RFX3: variants seen among roughly 807,000 people sequenced by gnomAD.
The protein encoded by RFX3 is transcription factor RFX3.
Under a neutral mutation model 98.6 loss-of-function variants are expected in RFX3, and 14 were observed. The observed-to-expected ratio is 0.14, with a 90% confidence interval of 0.09 to 0.22. RFX3 has a LOEUF of 0.22. Among genes scored for constraint, RFX3 ranks in the 10% least tolerant of loss-of-function variants. The pLI, the probability that RFX3 is intolerant of heterozygous loss-of-function variation, is 1.00. For synonymous variants in RFX3, 383 were observed against 328.4 expected, an observed-to-expected ratio of 1.17 and a Z score of -1.80; for missense variants, 639 against 926.9, an observed-to-expected ratio of 0.69 and a Z score of 4.03.
chr9:3,519,311 T>C (rs556743950), intron 1 of RFX3, among the ~76,000 whole-genome samples: 10 of 152,216 alleles, frequency 6.6e-5, no homozygotes, highest in Non-Finnish European at 1.3e-4. Context: ...AGCCTGTGAT[T>C]GGCAGCTTGT....
intron 1 of RFX3, among the ~76,000 whole-genome samples, chr9:3,435,619 A>C (rs1422566093): frequency 6.6e-6 from 1 of 151,864 alleles, no homozygotes; most frequent in Non-Finnish European, 1.5e-5. Context: ...TACAAATTCC[A>C]TTTACTCTGC....
At position 3,257,057 on chromosome 9, in the gene RFX3, G is replaced by C. The variant is rs907265673; in HGVS notation, c.1748C>G (p.Pro583Arg). The change falls in exon 14 of 17, where the codon CCC (proline) becomes CGC (arginine). Residue 583 changes from proline (P) to arginine (R), a missense_variant. By Grantham distance (103) the Pro-to-Arg change is moderately radical (BLOSUM62 -2). This residue lies in a region of RFX3 where 138 missense variants were observed against 308.9 expected (regional missense o/e 0.45). Coordinates refer to ENST00000617270, the MANE Select transcript of RFX3 (RefSeq NM_001282116.2). The part of the protein sequence containing the change: ...LDNVMMQALK[P>R]YEGRPSFPKA... ...AGGAAAACTGGGTCTTCCTTCATAG[G>C]GTTTCAGTGCTTGCATCATCACATT... 1.2e-6 allele frequency: 2 copies of C among 1,613,922 alleles called. No individual in the cohort carries two copies. The highest frequency in any genetic ancestry group is 1.1e-5 in the South Asian group (1 of 91,068).
Position 3,220,527 on chromosome 9 carries a change from C to T in RFX3, c.*4515G>A, listed in dbSNP as rs920109320. ...TTTTTTTCTGTAAACAGTACACTTA[C>T]TTAGATGGCAGTGAATATTTGGGAA... On this transcript the variant is annotated 3_prime_UTR_variant, in exon 17 of 17. Coordinates refer to ENST00000617270, the MANE Select transcript of RFX3 (RefSeq NM_001282116.2). 3 of 151,816 alleles carry T rather than the reference C, an allele frequency of 2.0e-5. No individual in the cohort carries two copies. The highest frequency in any genetic ancestry group is 1.3e-4 in the Admixed American group (2 of 15,228). 9.4% of individuals were successfully genotyped at this position (151,816 alleles called of 1,614,324 possible). A position where few individuals can be genotyped will look rare whatever the true frequency, so the allele number is the denominator to read the frequency against.
At chr9:3,378,345 G>A (rs1432575028) in intron 2 of RFX3, among the ~76,000 whole-genome samples, 4 of 152,004 alleles carry the variant, frequency 2.6e-5, no homozygotes, top group Non-Finnish European at 1.5e-5. Flanking sequence ...ATATTATGAA[G>A]TTAGTTTAAA....
At chr9:3,426,176 G>T (rs1844005502) in intron 1 of RFX3, among the ~76,000 whole-genome samples, 1 of 152,006 alleles carries the variant, frequency 6.6e-6, no homozygotes. Context: ...TCATTTAACT[G>T]AAAAATTCAG....
intron 14 of RFX3, 46 bp downstream of exon 14, chr9:3,256,945 T>C (rs758653982): frequency 2.0e-6 from 3 of 1,532,978 alleles, no homozygotes; most frequent in East Asian, 2.2e-5. Flanking sequence ...CACACACATA[T>C]TTGCAGAATA....
At chr9:3,405,531 T>C (rs1841876038) in intron 1 of RFX3, among the ~76,000 whole-genome samples, 1 of 152,182 alleles carries the variant, frequency 6.6e-6, no homozygotes, top group Admixed American at 6.5e-5. Flanking sequence ...TGCTGTTACA[T>C]GCCTTGGGGA....
intron 13 of RFX3, among the ~76,000 whole-genome samples, chr9:3,259,975 C>G (rs1437638831): frequency 6.6e-6 from 1 of 151,778 alleles, no homozygotes; most frequent in East Asian, 1.9e-4. Context: ...GGGACGACTT[C>G]CAAATGAACT....
At chr9:3,444,757 C>T (rs1320988609) in intron 1 of RFX3, among the ~76,000 whole-genome samples, 1 of 152,148 alleles carries the variant, frequency 6.6e-6, no homozygotes, top group East Asian at 1.9e-4. Context: ...AGGAGAGAAT[C>T]AGTACCCACA....
chr9:3,306,155 C>A (rs751423596), intron 4 of RFX3, among the ~76,000 whole-genome samples: 5 of 152,038 alleles, frequency 3.3e-5, no homozygotes, highest in African/African-American at 1.2e-4. Context: ...AAAGTAGGCT[C>A]ATTGATCCAA....
chr9:3,501,744 A>G (rs542310308), intron 1 of RFX3, among the ~76,000 whole-genome samples: 2 of 151,190 alleles, frequency 1.3e-5, no homozygotes, highest in Non-Finnish European at 3.0e-5. Context: ...TTTAGTAGAG[A>G]CAGGGCTTCA....
chr9:3,439,011 CAGAA>C (rs1845398219), intron 1 of RFX3, among the ~76,000 whole-genome samples: 2 of 151,764 alleles, frequency 1.3e-5, no homozygotes, highest in Admixed American at 6.6e-5. Context: ...AAAACAGTAA[CAGAA>C]AGGTCTCTAG....
At chr9:3,296,596 T>C (rs1828022693) in intron 5 of RFX3, among the ~76,000 whole-genome samples, 1 of 152,078 alleles carries the variant, frequency 6.6e-6, no homozygotes, top group African/African-American at 2.4e-5. Flanking sequence ...GTTTGAAAAA[T>C]GGTACAAGAA....
At chr9:3,375,577 G>T (rs759927249) in intron 2 of RFX3, among the ~76,000 whole-genome samples, 1 of 151,958 alleles carries the variant, frequency 6.6e-6, no homozygotes, top group South Asian at 2.1e-4. Context: ...CATTATTAAA[G>T]TTATTTTATT....
intron 1 of RFX3, among the ~76,000 whole-genome samples, chr9:3,458,901 T>C (rs941834274): frequency 6.6e-6 from 1 of 152,160 alleles, no homozygotes; most frequent in Admixed American, 6.5e-5. Context: ...AAAAGCAGCA[T>C]CTTCAAACTC....
chr9:3,388,086 G>A (rs552704754), intron 2 of RFX3, among the ~76,000 whole-genome samples: 16 of 151,814 alleles, frequency 1.1e-4, no homozygotes, highest in Non-Finnish European at 1.9e-4. Flanking sequence ...CTTTATCATC[G>A]GTATAATTCT....
At chr9:3,510,098 T>C (rs2133823098) in intron 1 of RFX3, among the ~76,000 whole-genome samples, 1 of 152,162 alleles carries the variant, frequency 6.6e-6, no homozygotes, top group Middle Eastern at 3.4e-3. Flanking sequence ...TTCACCTCTC[T>C]AATCTGCTGT....
intron 3 of RFX3, among the ~76,000 whole-genome samples, chr9:3,338,367 G>A (rs2920381): frequency 0.13 from 19,786 of 152,148 alleles, 1,341 homozygotes; most frequent in Middle Eastern, 0.19. Flanking sequence ...TTAAAAGTCA[G>A]TAATACTTCT....
chr9:3,455,180 C>CCT (rs1201226664), intron 1 of RFX3, among the ~76,000 whole-genome samples: 3 of 152,222 alleles, frequency 2.0e-5, no homozygotes, highest in Non-Finnish European at 1.5e-5. Flanking sequence ...AGGTAAGGAA[C>CCT]AGACTTCTTA....
Sources: allele counts gnomAD v4.1 joint callset (sites outside exome capture counted in the v4.1 genomes callset), GRCh38; gene constraint gnomAD v4.1.1; regional missense constraint gnomAD v4.1.1; transcripts MANE v1.5; gene names NCBI Gene and HGNC (gene_info 2026-07-23, HGNC 2026-07-21).